The following EPHA6 variants were observed in gnomAD, a reference collection of about 807,000 sequenced individuals.
The protein encoded by EPHA6 is ephrin type-A receptor 6.
Under a neutral mutation model 112.0 loss-of-function variants are expected in EPHA6, and 50 were observed. The ratio of observed to expected loss-of-function variants is 0.45; its 90% CI spans 0.36 to 0.56. The LOEUF is 0.56. EPHA6 is among the 20% of genes least tolerant of loss of function. EPHA6 has a pLI of 0.00. For missense variants in EPHA6, 1,280 were observed against 1,417.4 expected (o/e 0.90, Z 1.56); for synonymous variants, 529 against 490.7 (o/e 1.08, Z -1.03).
At chr3:97,516,820 A>G (rs58928996) in intron 10 of EPHA6, among the ~76,000 whole-genome samples, 3,516 of 152,298 alleles carry the variant, frequency 0.023, 126 homozygotes, top group African/African-American at 0.077. Context: ...TGCAAATTTT[A>G]AAAATGTTAA....
chr3:97,602,683 T>A (rs2107416016), intron 12 of EPHA6, among the ~76,000 whole-genome samples: 1 of 152,152 alleles, frequency 6.6e-6, no homozygotes, highest in East Asian at 1.9e-4. Context: ...ATTAAATGAG[T>A]TTAAACATGT....
At chr3:97,280,941 T>C (rs566305208) in intron 5 of EPHA6, among the ~76,000 whole-genome samples, 1 of 152,322 alleles carries the variant, frequency 6.6e-6, no homozygotes, top group Admixed American at 6.5e-5. Context: ...GGTCTATATT[T>C]GGCAATTACT....
intron 2 of EPHA6, among the ~76,000 whole-genome samples, chr3:96,951,517 A>AATC (rs1476934654): frequency 6.6e-5 from 10 of 151,952 alleles, no homozygotes; most frequent in Non-Finnish European, 1.5e-4. Context: ...AAACTCTATA[A>AATC]ATCATCATCA....
intron 3 of EPHA6, among the ~76,000 whole-genome samples, chr3:97,019,717 A>G (rs1353087268): frequency 6.6e-6 from 1 of 152,176 alleles, no homozygotes; most frequent in Admixed American, 6.5e-5. Flanking sequence ...AGAAGTCCTG[A>G]TAGAACAGAT....
intron 2 of EPHA6, among the ~76,000 whole-genome samples, chr3:96,964,325 C>T (rs537482414): frequency 5.9e-5 from 9 of 152,282 alleles, no homozygotes; most frequent in Non-Finnish European, 1.0e-4. Context: ...TTATTATCAT[C>T]GGTCTATGCA....
chr3:97,657,478 C>A lies in EPHA6; in HGVS notation c.2784+19396C>A, dbSNP rs149063179. ...GAGTCATTAAGAAATGGAAATACTACAGACATAATATGGTAGAGTAAACAG... is the reference window on the plus strand; with the variant it reads ...GAGTCATTAAGAAATGGAAATACTAAAGACATAATATGGTAGAGTAAACAG... On this transcript the variant is annotated intron_variant, in intron 14 of 17. Coordinates refer to ENST00000389672, the MANE Select transcript of EPHA6 (RefSeq NM_001080448.3). Among the ~76,000 whole-genome samples, 1,119 of 151,884 alleles carry A rather than the reference C, an allele frequency of 7.4e-3. 10 individuals are homozygous for A. Among genetic ancestry groups the A allele is most frequent in the Middle Eastern group, 0.014 (4 of 294 alleles).
chr3:96,829,950 C>CGCG (rs74280496), intron 1 of EPHA6, among the ~76,000 whole-genome samples: 1 of 8,910 alleles, frequency 1.1e-4, no homozygotes, highest in Non-Finnish European at 7.0e-4. Context: ...CGCGCGCGCG[C>CGCG]ACACACACAC....
intron 7 of EPHA6, among the ~76,000 whole-genome samples, chr3:97,456,110 T>A (rs558807953): frequency 1.3e-5 from 2 of 152,246 alleles, no homozygotes; most frequent in African/African-American, 2.4e-5. Context: ...AGTAGATCTA[T>A]TTCTTAATAC....
intron 13 of EPHA6, chr3:97,612,388 A>G: frequency 2.4e-6 from 1 of 422,590 alleles, no homozygotes; most frequent in Admixed American, 2.6e-5. Flanking sequence ...CTGTATCCTA[A>G]AGCAGAATAT....
chr3:97,129,032 C>T (rs754618824), intron 3 of EPHA6, among the ~76,000 whole-genome samples: 6 of 151,774 alleles, frequency 4.0e-5, no homozygotes, highest in Admixed American at 1.3e-4. Context: ...CACCACCACA[C>T]CCAGCTTATT....
intron 2 of EPHA6, among the ~76,000 whole-genome samples, chr3:96,970,457 C>A (rs2042274880): frequency 6.6e-6 from 1 of 151,988 alleles, no homozygotes; most frequent in South Asian, 2.1e-4. Flanking sequence ...CTTTAAAATG[C>A]TATGGCTAGG....
intron 14 of EPHA6, among the ~76,000 whole-genome samples, chr3:97,713,120 A>G (rs2034053135): frequency 6.6e-6 from 1 of 152,200 alleles, no homozygotes; most frequent in Non-Finnish European, 1.5e-5. Context: ...CGACAGGGCC[A>G]GGAAGATAAT....
chr3:97,664,187 T>C (rs1025914617), intron 14 of EPHA6, among the ~76,000 whole-genome samples: 7 of 152,318 alleles, frequency 4.6e-5, no homozygotes, highest in South Asian at 2.1e-4. Flanking sequence ...GGGTTGTTTG[T>C]TTTTTTCTTG....
chr3:97,502,020 G>T (rs542985694), intron 10 of EPHA6, among the ~76,000 whole-genome samples: 1 of 151,748 alleles, frequency 6.6e-6, no homozygotes, highest in African/African-American at 2.4e-5. Context: ...CAAGATGATG[G>T]ATCCTCACGA....
chr3:97,267,978 T>C (rs771134504), intron 5 of EPHA6, among the ~76,000 whole-genome samples: 6 of 152,164 alleles, frequency 3.9e-5, no homozygotes, highest in Non-Finnish European at 7.4e-5. Flanking sequence ...ATTTTTCTCT[T>C]ATAACAAGAA....
At chr3:96,862,543 C>T (rs928268902) in intron 1 of EPHA6, among the ~76,000 whole-genome samples, 3 of 151,770 alleles carry the variant, frequency 2.0e-5, no homozygotes, top group African/African-American at 7.2e-5. Context: ...ACAAAATTAT[C>T]CTAAAAGAAT....
chr3:97,471,964 A>T (rs567673036), intron 7 of EPHA6, among the ~76,000 whole-genome samples: 3 of 151,790 alleles, frequency 2.0e-5, no homozygotes, highest in Admixed American at 1.3e-4. Flanking sequence ...CTGGTGTCTT[A>T]TTCTTTGGCT....
intron 3 of EPHA6, among the ~76,000 whole-genome samples, chr3:97,025,824 A>G (rs535559066): frequency 6.6e-6 from 1 of 152,090 alleles, no homozygotes; most frequent in African/African-American, 2.4e-5. Context: ...CCCTGACGTC[A>G]TGATCTGCCC....
intron 2 of EPHA6, among the ~76,000 whole-genome samples, chr3:96,899,458 T>A (rs184668672): frequency 9.2e-5 from 14 of 152,342 alleles, no homozygotes; most frequent in African/African-American, 3.1e-4. Flanking sequence ...AGCATATTAA[T>A]TTTTATAATG....
Sources: gnomAD v4.1 joint callset for allele counts (sites outside exome capture counted in the v4.1 genomes callset) on GRCh38, gnomAD v4.1.1 for gene constraint, MANE v1.5 for transcripts, NCBI Gene and HGNC (gene_info 2026-07-23, HGNC 2026-07-21) for gene names.